Variants in NEAT1 observed in about 807,000 individuals in gnomAD.
NEAT1 encodes the protein MENepsilon/beta.
chr11:65,428,739 T>G (rs1329471041), exon 1 of NEAT1: 1 of 152,140 alleles, frequency 6.6e-6, no homozygotes, highest in African/African-American at 2.4e-5. Context: ...CCTTTCAGCC[T>G]GCTAGTTAGG....
exon 1 of NEAT1, chr11:65,423,102 G>C (rs1201548564): frequency 2.6e-5 from 4 of 152,852 alleles, no homozygotes; most frequent in Admixed American, 2.6e-4. Flanking sequence ...TTGCATAGCT[G>C]AGCGAGCCCG....
exon 1 of NEAT1, chr11:65,444,600 C>T (rs116688570): frequency 0.01 from 4,783 of 456,736 alleles, 231 homozygotes; most frequent in African/African-American, 0.089. Flanking sequence ...ACGGACCCGC[C>T]GTGGGCCCAG....
At chr11:65,424,255 A>C (rs1856537733) in exon 1 of NEAT1, 1 of 152,246 alleles carries the variant, frequency 6.6e-6, no homozygotes, top group Admixed American at 6.5e-5. Context: ...ATCAGCTTTG[A>C]ATAAATGCTT....
chr11:65,442,200 C>A (rs1291673844), exon 1 of NEAT1: 1 of 151,886 alleles, frequency 6.6e-6, no homozygotes, highest in African/African-American at 2.4e-5. Context: ...CCCAGAGACA[C>A]AGGCATTCAG....
chr11:65,442,638 T>G (rs1856725459), exon 1 of NEAT1: 1 of 152,244 alleles, frequency 6.6e-6, no homozygotes, highest in African/African-American at 2.4e-5. Context: ...TCTTAGCACT[T>G]TGGGAGGCTG....
exon 1 of NEAT1, chr11:65,424,858 C>T (rs1002280235): frequency 6.6e-6 from 1 of 151,984 alleles, no homozygotes; most frequent in African/African-American, 2.4e-5. Context: ...AGTAAGAGGA[C>T]CCTGAGGTGG....
exon 1 of NEAT1, chr11:65,426,123 G>C (rs1856559055): frequency 6.6e-6 from 1 of 152,042 alleles, no homozygotes. Context: ...CTATTGAATT[G>C]GTAAAGTAAT....
chr11:65,433,086 A>G (rs1856627384), exon 1 of NEAT1: 1 of 151,378 alleles, frequency 6.6e-6, no homozygotes, highest in Non-Finnish European at 1.5e-5. Context: ...GAGATACCAC[A>G]TTTTATTTAT....
chr11:65,430,836 A>G (rs1046419416), exon 1 of NEAT1: 1 of 152,222 alleles, frequency 6.6e-6, no homozygotes, highest in Non-Finnish European at 1.5e-5. Flanking sequence ...CTACATAGCC[A>G]CTAACATCAG....
exon 1 of NEAT1, chr11:65,440,103 A>T (rs1300899172): frequency 3.3e-5 from 5 of 152,110 alleles, no homozygotes; most frequent in Admixed American, 6.5e-5. Flanking sequence ...AAAAAAGAAG[A>T]AGTTTTTAAA....
chr11:65,431,200 T>C (rs1299255912), exon 1 of NEAT1: 1 of 152,210 alleles, frequency 6.6e-6, no homozygotes, highest in Non-Finnish European at 1.5e-5. Flanking sequence ...GTCTATGTTG[T>C]AGCATATGTC....
At chr11:65,427,472 A>G (rs984625796) in exon 1 of NEAT1, 5 of 152,210 alleles carry the variant, frequency 3.3e-5, no homozygotes, top group African/African-American at 1.2e-4. Flanking sequence ...CGTCCTTGCA[A>G]CTGTGTCTTA....
chr11:65,444,705 TTG>T (rs2134911607), exon 1 of NEAT1: 1 of 344,454 alleles, frequency 2.9e-6, no homozygotes, highest in Admixed American at 3.9e-5. Context: ...CAGGTGGGCT[TTG>T]TGTACCTTTG....
At chr11:65,432,784 G>A (rs575049660) in exon 1 of NEAT1, 28 of 150,226 alleles carry the variant, frequency 1.9e-4, no homozygotes, top group Admixed American at 4.6e-4. Context: ...TTACTGCACC[G>A]GTCACCTGAG....
chr11:65,434,410 C>G (rs1031723464), exon 1 of NEAT1: 1 of 152,144 alleles, frequency 6.6e-6, no homozygotes, highest in African/African-American at 2.4e-5. Flanking sequence ...TGCATGGTTT[C>G]TTTTCTATAG....
At chr11:65,429,511 T>TGC in exon 1 of NEAT1, 1 of 151,744 alleles carries the variant, frequency 6.6e-6, no homozygotes, top group South Asian at 2.1e-4. Flanking sequence ...TGTGTGTGTG[T>TGC]GTGTGTGTAT....
chr11:65,430,251 G>A (rs1168227293), exon 1 of NEAT1: 1 of 152,436 alleles, frequency 6.6e-6, no homozygotes, highest in Non-Finnish European at 1.5e-5. Context: ...CTAGCGTCAG[G>A]TCTAGCCACT....
exon 1 of NEAT1, chr11:65,436,932 C>T (rs1256569783): frequency 6.6e-6 from 1 of 152,034 alleles, no homozygotes; most frequent in Non-Finnish European, 1.5e-5. Context: ...CCAGCTTCCA[C>T]CTCAAGGAGG....
At chr11:65,443,023 T>C (rs184748017) in exon 1 of NEAT1, 1 of 152,376 alleles carries the variant, frequency 6.6e-6, no homozygotes, top group Non-Finnish European at 1.5e-5. Context: ...CCTTTCTTCA[T>C]TGATTAACGT....
Sources: allele counts gnomAD v4.1 joint callset, GRCh38; gene constraint gnomAD v4.1.1; transcripts MANE v1.5; gene names NCBI Gene and HGNC (gene_info 2026-07-23, HGNC 2026-07-21).